The following SND1 variants were observed in gnomAD, a reference collection of about 807,000 sequenced individuals.
SND1 encodes the protein staphylococcal nuclease and tudor domain containing 1, also known as staphylococcal nuclease domain-containing protein 1.
In SND1, 38 loss-of-function variants were observed where a neutral mutation model predicts 121.7. The observed-to-expected ratio is 0.31, with a 90% CI of 0.24 to 0.41. The LOEUF (loss-of-function observed/expected upper bound fraction) is 0.41, where lower values mean the gene tolerates loss of function less well. Ranked by LOEUF, SND1 falls within the 10% of genes least tolerant of loss-of-function variation. The pLI is 1.00. For synonymous variants in SND1, 401 were observed against 447.4 expected (o/e 0.90, Z 1.31); for missense variants, 868 against 1,184.6 (o/e 0.73, Z 3.92).
chr7:127,682,940 G>T (rs1454718681), intron 1 of SND1, among the ~76,000 whole-genome samples: 1 of 152,148 alleles, frequency 6.6e-6, no homozygotes, highest in African/African-American at 2.4e-5. Context: ...AAGAAAAACG[G>T]CTTGTTTTGG....
rs1482476773 is a variant in SND1, at chr7:128,029,452, G to A, written c.1779+38396G>A. 6.8e-6 allele frequency: 11 copies of A among 1,614,198 alleles called. No individual in the cohort carries two copies. The Admixed American group carries it at 1.0e-4, about 15-fold the overall frequency. ...TTGAGGACAGAGATCCTTGGGTGGC[G>A]GGAGGCGTGGCTGAGCACTGTCCCA... On this transcript the variant is annotated intron_variant, in intron 16 of 23. Transcript: ENST00000354725. This position sits in a 1 kb window ranked among gnomAD's most constrained non-coding sequence, Gnocchi z 4.2.
intron 10 of SND1, among the ~76,000 whole-genome samples, chr7:127,763,325 G>A (rs890647770): frequency 6.6e-6 from 1 of 152,060 alleles, no homozygotes; most frequent in Non-Finnish European, 1.5e-5. Context: ...AAGCATATGT[G>A]CACATCATAT....
chr7:128,013,606 T>C (rs1223715007), intron 16 of SND1, among the ~76,000 whole-genome samples: 2 of 152,206 alleles, frequency 1.3e-5, no homozygotes, highest in African/African-American at 4.8e-5. Context: ...ACTGGTCGGG[T>C]GAGGCAATGG....
intron 4 of SND1, among the ~76,000 whole-genome samples, chr7:127,700,486 C>T (rs1325718236): frequency 6.6e-6 from 1 of 152,206 alleles, no homozygotes; most frequent in East Asian, 1.9e-4. Context: ...AAAAGCCATG[C>T]AGTTCCATGC....
chr7:127,909,234 A>T (rs1294087767), intron 14 of SND1, among the ~76,000 whole-genome samples: 1 of 152,114 alleles, frequency 6.6e-6, no homozygotes, highest in African/African-American at 2.4e-5. Context: ...ATATTCTGCC[A>T]TTTCATATTA....
chr7:127,938,113 G>C (rs749194184), intron 15 of SND1, among the ~76,000 whole-genome samples: 5 of 152,180 alleles, frequency 3.3e-5, no homozygotes, highest in Non-Finnish European at 4.4e-5. Flanking sequence ...CCCATTACTA[G>C]AAATGGGCAG....
intron 18 of SND1, 118 bp downstream of exon 18, chr7:128,081,619 C>T: frequency 8.3e-7 from 1 of 1,204,040 alleles, no homozygotes; most frequent in Non-Finnish European, 1.2e-6. Flanking sequence ...CCAGGAGCCT[C>T]CCCTGAAGAG....
At chr7:127,659,289 A>G (rs949152927) in intron 1 of SND1, among the ~76,000 whole-genome samples, 1 of 152,254 alleles carries the variant, frequency 6.6e-6, no homozygotes, top group African/African-American at 2.4e-5. Flanking sequence ...ATTAGACTCA[A>G]TATAATACAT....
At chr7:127,717,224 C>T (rs963099845) in intron 9 of SND1, among the ~76,000 whole-genome samples, 23 of 152,116 alleles carry the variant, frequency 1.5e-4, no homozygotes, top group Non-Finnish European at 2.8e-4. Flanking sequence ...AATATAGATA[C>T]ATTTTTATTA....
intron 11 of SND1, among the ~76,000 whole-genome samples, chr7:127,817,042 A>G (rs1472370574): frequency 2.0e-5 from 3 of 152,134 alleles, no homozygotes; most frequent in Admixed American, 6.5e-5. Flanking sequence ...GCCTATTTTT[A>G]TAGTACTAAT....
In SND1 at chr7:127,716,284, T is replaced by C. The variant is rs148940029; in HGVS notation, c.1039-5003T>C. Among the ~76,000 whole-genome samples the C allele has an allele frequency of 5.4e-4, 83 of 152,352 alleles. 4 individuals are homozygous for C. In the East Asian group the frequency reaches 0.015, roughly 27 times the overall value. On this transcript the variant is annotated intron_variant, in intron 9 of 23. Coordinates refer to ENST00000354725, the MANE Select transcript of SND1 (RefSeq NM_014390.4). ...TTTGATAAGGGTTGCATTACATCTG[T>C]AAATCGCTTTTGGGTAGTATTGACA...
At chr7:127,941,719 C>A (rs1801207538) in intron 15 of SND1, among the ~76,000 whole-genome samples, 1 of 152,136 alleles carries the variant, frequency 6.6e-6, no homozygotes, top group African/African-American at 2.4e-5. Context: ...AAATTACAAG[C>A]TAGAGCAGAC....
chr7:127,963,113 C>A (rs551311429), intron 15 of SND1, among the ~76,000 whole-genome samples: 1 of 152,222 alleles, frequency 6.6e-6, no homozygotes, highest in South Asian at 2.1e-4. Flanking sequence ...CTGACCTGAA[C>A]AAGGAGATTG....
intron 16 of SND1, chr7:128,008,126 A>G (rs1284871421): frequency 6.6e-6 from 1 of 152,224 alleles, no homozygotes; most frequent in African/African-American, 2.4e-5. Context: ...AGGTGATGTG[A>G]TGGAGGCAGA....
At chr7:127,757,834 C>T (rs1488500562) in intron 10 of SND1, among the ~76,000 whole-genome samples, 3 of 152,138 alleles carry the variant, frequency 2.0e-5, no homozygotes, top group Non-Finnish European at 2.9e-5. Context: ...GCCCTTTGTA[C>T]TCTCTTAATG....
chr7:127,936,262 C>T (rs1251720690), intron 15 of SND1, among the ~76,000 whole-genome samples: 1 of 152,162 alleles, frequency 6.6e-6, no homozygotes, highest in East Asian at 1.9e-4. Context: ...TGATTTCAGT[C>T]TCGGAGGCAG....
chr7:127,960,169 TATTA>T (rs1801698398), intron 15 of SND1, among the ~76,000 whole-genome samples: 2 of 152,256 alleles, frequency 1.3e-5, no homozygotes, highest in African/African-American at 4.8e-5. Flanking sequence ...TCTAGGCCAA[TATTA>T]TCATTGCTGT....
intron 16 of SND1, among the ~76,000 whole-genome samples, chr7:128,022,375 G>C (rs887413225): frequency 6.6e-6 from 1 of 152,170 alleles, no homozygotes; most frequent in Non-Finnish European, 1.5e-5. Flanking sequence ...ATCTTGGTCC[G>C]TCTAGCTCCC....
chr7:127,982,859 A>G (rs1415667143), intron 15 of SND1, among the ~76,000 whole-genome samples: 1 of 152,230 alleles, frequency 6.6e-6, no homozygotes, highest in Non-Finnish European at 1.5e-5. Context: ...TGTATGAGCT[A>G]TTACAGGTCT....
Sources: gnomAD v4.1 joint callset for allele counts (sites outside exome capture counted in the v4.1 genomes callset) on GRCh38, gnomAD v4.1.1 for gene constraint, Gnocchi (gnomAD v3.1) non-coding constraint, MANE v1.5 for transcripts, NCBI Gene and HGNC (gene_info 2026-07-23, HGNC 2026-07-21) for gene names.